PRMT8: variants seen among roughly 807,000 people sequenced by gnomAD.
PRMT8 encodes protein arginine methyltransferase 8.
A neutral mutation model predicts 47.1 loss-of-function variants in PRMT8; 7 were observed. The ratio of observed to expected loss-of-function variants is 0.15; its 90% CI spans 0.08 to 0.28. The LOEUF (loss-of-function observed/expected upper bound fraction) is 0.28. Among genes scored for constraint, PRMT8 ranks in the 10% least tolerant of loss-of-function variants. The pLI, the probability that PRMT8 is intolerant of heterozygous loss-of-function variation, is 1.00. For missense variants in PRMT8, 237 were observed against 505.4 expected, an observed-to-expected ratio of 0.47 and a Z score of 5.09; for synonymous variants, 188 against 186.5, an observed-to-expected ratio of 1.01 and a Z score of -0.07.
At chr12:3,405,322 T>C (rs1591540234) in intron 1 of PRMT8, among the ~76,000 whole-genome samples, 1 of 152,120 alleles carries the variant, frequency 6.6e-6, no homozygotes, top group Non-Finnish European at 1.5e-5. Context: ...CCATGACACA[T>C]GGGGATTATG....
At chr12:3,548,082 G>C (rs536072913) in intron 2 of PRMT8, among the ~76,000 whole-genome samples, 7 of 152,260 alleles carry the variant, frequency 4.6e-5, no homozygotes, top group African/African-American at 1.7e-4. Context: ...CACACATGTA[G>C]AGTCAATTGA....
At chr12:3,460,804 A>T (rs1172599438) in intron 1 of PRMT8, among the ~76,000 whole-genome samples, 2 of 152,220 alleles carry the variant, frequency 1.3e-5, no homozygotes, top group Non-Finnish European at 2.9e-5. Flanking sequence ...AATGGTCAAG[A>T]GAAAGCCAGG....
intron 1 of PRMT8, among the ~76,000 whole-genome samples, chr12:3,393,433 G>T (rs1282488684): frequency 6.6e-6 from 1 of 150,848 alleles, no homozygotes; most frequent in Non-Finnish European, 1.5e-5. Context: ...TCTACATATG[G>T]CTAGCCAGTT....
intron 1 of PRMT8, among the ~76,000 whole-genome samples, chr12:3,384,591 T>G (rs1197465601): frequency 6.6e-6 from 1 of 152,180 alleles, no homozygotes; most frequent in African/African-American, 2.4e-5. Context: ...CCCTCGTGGT[T>G]GCAAGTCGGC....
intron 1 of PRMT8, among the ~76,000 whole-genome samples, chr12:3,425,282 A>G (rs1864591536): frequency 6.6e-6 from 1 of 152,176 alleles, no homozygotes; most frequent in African/African-American, 2.4e-5. Flanking sequence ...CTTTATGTTT[A>G]GGTTTTGCCC....
In PRMT8 at chr12:3,552,450, C is replaced by T. The variant is rs78981193; in HGVS notation, c.418-1201C>T. 1,229 of 255,216 alleles carry T rather than the reference C, an allele frequency of 4.8e-3. 17 individuals are homozygous for T. The highest frequency in any genetic ancestry group is 0.025 in the African/African-American group (1,126 of 44,234). 15.8% of individuals were successfully genotyped at this position (255,216 alleles called of 1,614,324 possible). A position where few individuals can be genotyped will look rare whatever the true frequency, so the allele number is the denominator to read the frequency against. The stretch of plus-strand genomic sequence containing the variant: ...AGGCGCAGTTAGGAAGGGCAGTGGC[C>T]AGGCATAAATCCAGGCCTGGCTCCG... On this transcript the variant is annotated intron_variant, in intron 3 of 9. Coordinates refer to ENST00000382622, the MANE Select transcript of PRMT8 (RefSeq NM_019854.5). This position sits in a 1 kb window ranked among gnomAD's most constrained non-coding sequence, Gnocchi z 4.5.
chr12:3,490,994 C>T (rs1156742190), upstream of PRMT8, among the ~76,000 whole-genome samples: 1 of 152,088 alleles, frequency 6.6e-6, no homozygotes, highest in African/African-American at 2.4e-5. Context: ...TTTCTCTGGG[C>T]CCCCCGCGCG....
chr12:3,433,822 G>A (rs1040455880), intron 1 of PRMT8, among the ~76,000 whole-genome samples: 2 of 152,162 alleles, frequency 1.3e-5, no homozygotes, highest in African/African-American at 4.8e-5. Context: ...GTGTTGGCCA[G>A]GCTGGTCTCG....
rs766822432 is a variant in PRMT8 at position 3,576,832 on chromosome 12, G to T, written c.713-39G>T. On this transcript the variant is annotated intron_variant, in intron 6 of 9. Coordinates refer to ENST00000382622, the MANE Select transcript of PRMT8 (RefSeq NM_019854.5). The surrounding 1 kb of genome is among the most constrained non-coding windows in gnomAD (Gnocchi z 4.0). ...AGGAGGGTTGGGTGAGCTTCTGGGG[G>T]TCCTGCGCCTGCCTTCACGTCTTGC... 6.4e-7 allele frequency: 1 copy of T among 1,551,222 alleles called. No homozygotes were observed. The highest frequency in any genetic ancestry group is 8.9e-7 in the Non-Finnish European group (1 of 1,124,522).
At chr12:3,509,913 G>T (rs936753197) in intron 1 of PRMT8, among the ~76,000 whole-genome samples, 1 of 152,196 alleles carries the variant, frequency 6.6e-6, no homozygotes, top group Admixed American at 6.5e-5. Context: ...TAACCGGCAC[G>T]GCATAAGTCT....
chr12:3,471,811 G>A (rs973385535), intron 1 of PRMT8, among the ~76,000 whole-genome samples: 3 of 151,878 alleles, frequency 2.0e-5, no homozygotes, highest in Non-Finnish European at 4.4e-5. Context: ...GGAGGCAGGC[G>A]CCCGTCCCTG....
At chr12:3,578,720 T>TG (rs1450592285) in intron 7 of PRMT8, among the ~76,000 whole-genome samples, 3 of 152,170 alleles carry the variant, frequency 2.0e-5, no homozygotes, top group Non-Finnish European at 4.4e-5. Context: ...TCTGAAAGAC[T>TG]GACACAACTG....
rs1042487833 is a variant in PRMT8, at chr12:3,493,598, C to T, written c.75+1898C>T. 7.2e-5 allele frequency among the ~76,000 whole-genome samples: 11 copies of T among 152,234 alleles called. No homozygotes were observed. Among genetic ancestry groups the T allele is most frequent in the Non-Finnish European group, 1.5e-4 (10 of 68,044 alleles). On this transcript the variant is annotated intron_variant, in intron 1 of 9. Coordinates refer to ENST00000382622, the MANE Select transcript of PRMT8 (RefSeq NM_019854.5). This position sits in a 1 kb window ranked among gnomAD's most constrained non-coding sequence, Gnocchi z 8.2. ...TGCCAGGTTCCGCAGTGTGCAGCGG[C>T]GGCTGCTGCGCTCTCCCAGCCTCGG...
rs975549485 is a variant in PRMT8, at chr12:3,492,294, C to T, written c.75+594C>T. Among the ~76,000 whole-genome samples the T allele has an allele frequency of 1.3e-5, 2 of 152,036 alleles. No homozygotes were observed. The highest frequency in any genetic ancestry group is 2.9e-5 in the Non-Finnish European group (2 of 67,964). ...CAGACCCTCCGGCCCAGATCTGGGC[C>T]AGAGAGAAGTCTGCAATCCTCAGAT... On this transcript the variant is annotated intron_variant, in intron 1 of 9. Coordinates refer to ENST00000382622, the MANE Select transcript of PRMT8 (RefSeq NM_019854.5). The surrounding 1 kb of genome is among the most constrained non-coding windows in gnomAD (Gnocchi z 7.5).
At chr12:3,555,654 G>A (rs563013971) in intron 4 of PRMT8, among the ~76,000 whole-genome samples, 1 of 152,376 alleles carries the variant, frequency 6.6e-6, no homozygotes, top group African/African-American at 2.4e-5. Context: ...AGCAAGAAGG[G>A]TGTGAGCAGA....
At chr12:3,403,900 A>AAAG (rs1864346539) in intron 1 of PRMT8, among the ~76,000 whole-genome samples, 1 of 49,728 alleles carries the variant, frequency 2.0e-5, no homozygotes, top group African/African-American at 4.3e-5. Flanking sequence ...AAAAAAAAAG[A>AAAG]GAGAGAAAAA....
intron 1 of PRMT8, among the ~76,000 whole-genome samples, chr12:3,495,530 T>C (rs1435615533): frequency 6.6e-6 from 1 of 152,238 alleles, no homozygotes; most frequent in South Asian, 2.1e-4. Flanking sequence ...GCTTCCCAGA[T>C]CTGCCATTTA....
chr12:3,504,891 A>T (rs372845147), intron 1 of PRMT8, among the ~76,000 whole-genome samples: 4,400 of 30,916 alleles, frequency 0.14, 452 homozygotes, highest in Middle Eastern at 0.29. Context: ...CAGGTGTGGG[A>T]TATAGTCTCG....
chr12:3,425,869 C>T (rs763977192), intron 1 of PRMT8, among the ~76,000 whole-genome samples: 3 of 152,264 alleles, frequency 2.0e-5, no homozygotes, highest in Non-Finnish European at 4.4e-5. Context: ...ACCACACATC[C>T]GCTCAGGGAT....
Sources: gnomAD v4.1 joint callset for allele counts (sites outside exome capture counted in the v4.1 genomes callset) on GRCh38, gnomAD v4.1.1 for gene constraint, Gnocchi (gnomAD v3.1) non-coding constraint, MANE v1.5 for transcripts, NCBI Gene and HGNC (gene_info 2026-07-23, HGNC 2026-07-21) for gene names.